Variants in PTPN3 observed in about 807,000 individuals in gnomAD.
The protein encoded by PTPN3 is protein tyrosine phosphatase non-receptor type 3.
In PTPN3, 96 loss-of-function variants were observed where a neutral mutation model predicts 132.7. That is an observed-to-expected ratio of 0.72 (90% CI 0.61 to 0.86). The LOEUF is 0.86. Ranked by LOEUF, PTPN3 falls within the 40% of genes least tolerant of loss-of-function variation. The probability of loss-of-function intolerance (pLI) is 0.00; values close to 1 mark genes in which losing one functional copy is unlikely to be tolerated. For missense variants in PTPN3, 1,125 were observed against 1,159.6 expected, an observed-to-expected ratio of 0.97 and a Z score of 0.43; for synonymous variants, 398 against 429.0, an observed-to-expected ratio of 0.93 and a Z score of 0.89.
At chr9:109,526,637 T>C in the PTPN3 span, among the ~76,000 whole-genome samples, 1 of 152,164 alleles carries the variant, frequency 6.6e-6, no homozygotes, top group Non-Finnish European at 1.5e-5. Context: ...TTCATGCCAC[T>C]GCACTCCAGC....
chr9:109,468,528 G>C (rs558283006), intron 1 of PTPN3, among the ~76,000 whole-genome samples: 2 of 152,124 alleles, frequency 1.3e-5, no homozygotes, highest in African/African-American at 4.8e-5. Context: ...CACCACGCCC[G>C]GCTAATTTTT....
In PTPN3 at chr9:109,389,685, A is replaced by G. The variant is rs570472673; in HGVS notation, c.2107-306T>C. Among the ~76,000 whole-genome samples, 28 of 152,328 alleles carry G rather than the reference A, an allele frequency of 1.8e-4. No homozygotes were observed. In the East Asian group the frequency reaches 3.7e-3, roughly 20 times the overall value. ...CATTGCTCTATCCTAAATATAATCA[A>G]TATTGGCTATCTGCATTTTCAGCCG... is the stretch of plus-strand genomic sequence containing the variant. On this transcript the variant is annotated intron_variant, in intron 21 of 25. Transcript: ENST00000374541.
At chr9:109,442,284 G>A (rs1844534310) in intron 7 of PTPN3, among the ~76,000 whole-genome samples, 2 of 152,160 alleles carry the variant, frequency 1.3e-5, no homozygotes, top group African/African-American at 2.4e-5. Context: ...CTGGGCTCAC[G>A]CAATCCGCCT....
At chr9:109,501,060 T>C (rs1847858979), upstream of PTPN3, among the ~76,000 whole-genome samples, 1 of 152,228 alleles carries the variant, frequency 6.6e-6, no homozygotes, top group Non-Finnish European at 1.5e-5. Context: ...TTTGGGTGTT[T>C]TTTAAAAGTT....
intron 21 of PTPN3, among the ~76,000 whole-genome samples, chr9:109,390,335 G>GT (rs1839957594): frequency 6.6e-6 from 1 of 152,182 alleles, no homozygotes; most frequent in Non-Finnish European, 1.5e-5. Context: ...GGCAGACCAC[G>GT]TATCGCCTGA....
At chr9:109,469,389 T>C (rs1390751978) in intron 1 of PTPN3, among the ~76,000 whole-genome samples, 1 of 152,166 alleles carries the variant, frequency 6.6e-6, no homozygotes, top group African/African-American at 2.4e-5. Flanking sequence ...GAGGCCCAGG[T>C]GGGCAGATCA....
intron 5 of PTPN3, among the ~76,000 whole-genome samples, chr9:109,451,647 C>T (rs186390165): frequency 5.3e-5 from 8 of 152,318 alleles, no homozygotes; most frequent in African/African-American, 1.9e-4. Context: ...CCTCAAATGA[C>T]AGGAAGGCTC....
chr9:109,446,556 G>T (rs1238778642), intron 6 of PTPN3, among the ~76,000 whole-genome samples: 1 of 152,176 alleles, frequency 6.6e-6, no homozygotes, highest in African/African-American at 2.4e-5. Context: ...AGGATAGGCA[G>T]AAACAGGATG....
At chr9:109,386,400 G>C (rs1317232701) in intron 22 of PTPN3, among the ~76,000 whole-genome samples, 2 of 152,210 alleles carry the variant, frequency 1.3e-5, no homozygotes, top group Non-Finnish European at 2.9e-5. Flanking sequence ...TGTTCACTTA[G>C]TTAATAAACA....
At chr9:109,388,341 G>A (rs1182127983) in intron 22 of PTPN3, among the ~76,000 whole-genome samples, 1 of 152,158 alleles carries the variant, frequency 6.6e-6, no homozygotes, top group African/African-American at 2.4e-5. Flanking sequence ...GATAAACAGG[G>A]GAGGTTAAGT....
the PTPN3 span, among the ~76,000 whole-genome samples, chr9:109,515,185 G>A: frequency 2.6e-5 from 4 of 152,132 alleles, no homozygotes; most frequent in South Asian, 2.1e-4. Context: ...ACTATGCCTA[G>A]CTAATTTTTG....
At chr9:109,521,976 A>G in the PTPN3 span, among the ~76,000 whole-genome samples, 4 of 36,996 alleles carry the variant, frequency 1.1e-4, no homozygotes, top group Non-Finnish European at 2.2e-4. Context: ...CTTAGAGAGG[A>G]AACCGAGGCT....
intron 17 of PTPN3, 118 bp downstream of exon 17, chr9:109,408,203 A>G (rs1291473503): frequency 4.1e-6 from 3 of 727,380 alleles, no homozygotes; most frequent in Middle Eastern, 2.5e-4. Context: ...ATGGTGATGT[A>G]TATCTAAGCA....
chr9:109,420,534 A>G lies in PTPN3; in HGVS notation c.1203T>C (p.Asn401=). The change falls in exon 14 of 26, where the codon AAT becomes AAC. Residue 401 remains asparagine, a synonymous_variant. Coordinates refer to ENST00000374541, the MANE Select transcript of PTPN3 (RefSeq NM_002829.4). ...PRHSSADNLA[N]EMTYITETED... ...CCGTTTCCGTGATGTAGGTCATTTC[A>G]TTTGCAAGGTTATCTGCAGAAGAGT... 1 of 1,613,320 alleles carries G rather than the reference A, an allele frequency of 6.2e-7. No individual in the cohort carries two copies. The highest frequency in any genetic ancestry group is 2.2e-5 in the East Asian group (1 of 44,886).
chr9:109,412,365 CAACT>C (rs1423000816), intron 14 of PTPN3, among the ~76,000 whole-genome samples: 1 of 150,734 alleles, frequency 6.6e-6, no homozygotes, highest in Non-Finnish European at 1.5e-5. Flanking sequence ...TCGCCATGTC[CAACT>C]AATTTTAATT....
rs1200771518 is a variant in PTPN3 at position 109,389,364 on chromosome 9, C to A, written c.2122G>T (p.Ala708Ser). 1 of 1,613,396 alleles carries A rather than the reference C, an allele frequency of 6.2e-7. No individual in the cohort carries two copies. ...ASYVNMEIPAANLVNKYIATQ... is the reference protein window; with the variant it reads ...ASYVNMEIPASNLVNKYIATQ... ...GCGATGTACTTGTTCACAAGGTTAG[C>A]AGCAGGAATTTCCATCTGGTAAGAA... Residue 708 changes from alanine (A) to serine (S), a missense_variant, in exon 22 of 26, where the codon GCT becomes TCT. Physicochemically the swap from Ala to Ser is moderately conservative, Grantham distance 99. Coordinates refer to ENST00000374541, the MANE Select transcript of PTPN3 (RefSeq NM_002829.4).
Position 109,391,219 on chromosome 9 carries a change from T to C in PTPN3, c.2045-20A>G. ...TGTCATCTGCGGGGAAGAGAAAAAT[T>C]TACCGATTATTCCGAGCATTATTTT... On this transcript the variant is annotated intron_variant, in intron 20 of 25. Transcript: ENST00000374541. The C allele has an allele frequency of 6.2e-7, 1 of 1,603,628 alleles. No homozygotes were observed. The highest frequency in any genetic ancestry group is 8.5e-7 in the Non-Finnish European group (1 of 1,171,940).
chr9:109,410,272 TTGGTCACCCTG>T lies in PTPN3; in HGVS notation c.1446_1456del (p.His482GlnfsTer14). ...GCTGGCGTCCTCGGTGGAGCCCCCT[TTGGTCACCCTG>T]TGGAAGTCATCTAAGAGCTGCTGAT... On this transcript the variant is annotated frameshift_variant, in exon 15 of 26. Coordinates refer to ENST00000374541, the MANE Select transcript of PTPN3 (RefSeq NM_002829.4). LOFTEE classifies it high-confidence loss of function. 1 of 1,614,112 alleles carries T rather than the reference TTGGTCACCCTG, an allele frequency of 6.2e-7. No homozygotes were observed.
chr9:109,455,381 G>A (rs1488727617), intron 4 of PTPN3, among the ~76,000 whole-genome samples: 4 of 151,986 alleles, frequency 2.6e-5, no homozygotes, highest in East Asian at 1.9e-4. Flanking sequence ...GTAAATATTC[G>A]CCAGCCCTAT....
Sources: allele counts gnomAD v4.1 joint callset (sites outside exome capture counted in the v4.1 genomes callset), GRCh38; gene constraint gnomAD v4.1.1; transcripts MANE v1.5; gene names NCBI Gene and HGNC (gene_info 2026-07-23, HGNC 2026-07-21).